TUNAR: variants seen among roughly 807,000 people sequenced by gnomAD.
The protein encoded by TUNAR is protein TUNAR.
chr14:95,904,887 C>T (rs1216555038), intron 2 of TUNAR, among the ~76,000 whole-genome samples: 2 of 152,184 alleles, frequency 1.3e-5, no homozygotes, highest in East Asian at 1.9e-4. Flanking sequence ...CCAGAGATCC[C>T]TTCAGTTCTG....
intron 2 of TUNAR, among the ~76,000 whole-genome samples, chr14:95,907,959 G>A (rs958825655): frequency 6.6e-6 from 1 of 152,224 alleles, no homozygotes; most frequent in Non-Finnish European, 1.5e-5. Flanking sequence ...CCTCAGAGGA[G>A]AGGAAGTGTG....
chr14:95,910,249 G>A (rs985946529), intron 2 of TUNAR, among the ~76,000 whole-genome samples: 3 of 152,304 alleles, frequency 2.0e-5, no homozygotes, highest in Non-Finnish European at 4.4e-5. Flanking sequence ...GGGCACGGTG[G>A]CTCACGCCTG....
chr14:95,905,670 G>T (rs1404815376), intron 2 of TUNAR, among the ~76,000 whole-genome samples: 1 of 152,146 alleles, frequency 6.6e-6, no homozygotes, highest in Non-Finnish European at 1.5e-5. Flanking sequence ...TACCTTGGAG[G>T]AAATACTTTG....
intron 2 of TUNAR, among the ~76,000 whole-genome samples, chr14:95,911,473 G>A (rs935224581): frequency 3.9e-5 from 6 of 152,196 alleles, no homozygotes; most frequent in Admixed American, 2.6e-4. Flanking sequence ...GTACATGCCC[G>A]TTGTTATGGG....
exon 1 of TUNAR, chr14:95,876,490 C>T (rs1302050872): frequency 6.6e-6 from 1 of 152,296 alleles, no homozygotes; most frequent in Non-Finnish European, 1.5e-5. Flanking sequence ...CGAGGTGCCC[C>T]TCCCCTGTAG....
chr14:95,912,429 G>C (rs1889528549), intron 2 of TUNAR, among the ~76,000 whole-genome samples: 1 of 152,064 alleles, frequency 6.6e-6, no homozygotes, highest in Non-Finnish European at 1.5e-5. Context: ...CTAAATAGAT[G>C]CAGAAAAATG....
Position 95,918,361 on chromosome 14 carries a change from G to T in TUNAR, c.13-4420G>T, listed in dbSNP as rs74085765. ...CCTTTCCCATCTCTGTTATTGTTCT[G>T]GTTTCTAGGCTAATCTCCTGGATTC... On this transcript the variant is annotated intron_variant, in intron 2 of 2. Transcript: ENST00000678517. 4.2e-3 allele frequency among the ~76,000 whole-genome samples: 643 copies of T among 152,162 alleles called. 1 individual carries two copies. The highest frequency in any genetic ancestry group is 0.015 in the African/African-American group (613 of 41,490).
At chr14:95,913,100 T>C (rs59427262) in intron 2 of TUNAR, among the ~76,000 whole-genome samples, 7,428 of 102,520 alleles carry the variant, frequency 0.072, 601 homozygotes, top group African/African-American at 0.33. Context: ...CGGGCATCTT[T>C]TTTTTTTTAC....
At chr14:95,891,531 C>G (rs1889180412) in intron 2 of TUNAR, among the ~76,000 whole-genome samples, 1 of 152,206 alleles carries the variant, frequency 6.6e-6, no homozygotes, top group African/African-American at 2.4e-5. Context: ...GGCTCAGACA[C>G]CCTCAGGAGC....
chr14:95,903,567 T>G (rs1050212862), intron 2 of TUNAR, among the ~76,000 whole-genome samples: 16 of 152,230 alleles, frequency 1.1e-4, no homozygotes, highest in African/African-American at 3.6e-4. Context: ...TGAAAAAAAT[T>G]GACATTCATA....
intron 2 of TUNAR, among the ~76,000 whole-genome samples, chr14:95,908,255 A>G (rs1889455695): frequency 6.6e-6 from 1 of 152,232 alleles, no homozygotes; most frequent in Non-Finnish European, 1.5e-5. Flanking sequence ...CTATGAGGGC[A>G]GGGATGACTT....
chr14:95,878,366 G>A lies in TUNAR; in HGVS notation c.12+1189G>A, dbSNP rs528305083. Among the ~76,000 whole-genome samples the A allele has an allele frequency of 6.6e-5, 10 of 152,294 alleles. No individual in the cohort carries two copies. The South Asian group carries it at 1.5e-3, about 22-fold the overall frequency. ...AGTTCCTGAAGGGGCAAGCCACCTG[G>A]AATCAATTGATCCTGGTCTGAGGGG... is the stretch of plus-strand genomic sequence containing the variant. On this transcript the variant is annotated intron_variant, in intron 2 of 2. Coordinates refer to ENST00000678517, the Ensembl canonical transcript of TUNAR.
chr14:95,920,965 G>A (rs1011813433), intron 2 of TUNAR, among the ~76,000 whole-genome samples: 2 of 152,214 alleles, frequency 1.3e-5, no homozygotes, highest in African/African-American at 4.8e-5. Flanking sequence ...AGGATGGCCA[G>A]TGGTGTGGTT....
chr14:95,910,801 C>T (rs538330646), intron 2 of TUNAR, among the ~76,000 whole-genome samples: 3 of 152,278 alleles, frequency 2.0e-5, no homozygotes, highest in South Asian at 2.1e-4. Context: ...CAGCCCCTGA[C>T]GAAGACCTTG....
intron 2 of TUNAR, among the ~76,000 whole-genome samples, chr14:95,918,789 T>TG (rs1566792900): frequency 1.3e-5 from 2 of 152,162 alleles, no homozygotes; most frequent in African/African-American, 4.8e-5. Context: ...TTTGCTTGAG[T>TG]GACTGTGATG....
chr14:95,896,707 A>T (rs1889274713), intron 2 of TUNAR, among the ~76,000 whole-genome samples: 1 of 152,258 alleles, frequency 6.6e-6, no homozygotes, highest in South Asian at 2.1e-4. Context: ...AGAAGTGCCC[A>T]GGTGCCCCAA....
At chr14:95,923,128 CGATCCTGCTGCA>C in exon 3 of TUNAR, 1 of 394,558 alleles carries the variant, frequency 2.5e-6, no homozygotes, top group Non-Finnish European at 4.5e-6. Flanking sequence ...ACAAATAGAC[CGATCCTGCTGCA>C]GGGAGCAGAC....
At chr14:95,919,757 T>G (rs538116074) in intron 2 of TUNAR, among the ~76,000 whole-genome samples, 30 of 152,074 alleles carry the variant, frequency 2.0e-4, no homozygotes, top group African/African-American at 7.0e-4. Context: ...TAGTTTAAAA[T>G]GCACCCAAAA....
At chr14:95,915,170 C>T (rs1229998648) in intron 2 of TUNAR, among the ~76,000 whole-genome samples, 1 of 152,154 alleles carries the variant, frequency 6.6e-6, no homozygotes. Flanking sequence ...AACAAAATAA[C>T]CTTGAATACC....
Sources: allele counts gnomAD v4.1 joint callset (sites outside exome capture counted in the v4.1 genomes callset), GRCh38; gene constraint gnomAD v4.1.1; transcripts MANE v1.5; gene names NCBI Gene and HGNC (gene_info 2026-07-23, HGNC 2026-07-21).